Variants in HHLA2 observed in about 807,000 individuals in gnomAD.
HHLA2 encodes HHLA2 member of B7 family, also known as HERV-H LTR-associating protein 2.
In HHLA2, 48 loss-of-function variants were observed where a neutral mutation model predicts 45.9. The ratio of observed to expected loss-of-function variants is 1.05; its 90% CI spans 0.83 to 1.33. HHLA2 has a LOEUF of 1.33. Among genes scored for constraint, HHLA2 ranks in the 40% most tolerant of loss-of-function variants. The pLI is 0.00. For missense variants in HHLA2, 462 were observed against 494.3 expected (o/e 0.93, Z 0.62); for synonymous variants, 161 against 173.9 (o/e 0.93, Z 0.59).
In HHLA2 at chr3:108,303,956, A is replaced by C. The variant is rs555030128; in HGVS notation, c.-191-6699A>C. 1.3e-4 allele frequency among the ~76,000 whole-genome samples: 20 copies of C among 152,238 alleles called. No homozygotes were observed. In the East Asian group the frequency reaches 3.3e-3, roughly 25 times the overall value. ...TAGGCTGAGTTATTGGCAGGGGTGG[A>C]AATAAACTTTTTGTTAGATAATTGA... On this transcript the variant is annotated intron_variant, in intron 1 of 10. Transcript: ENST00000619531.
intron 2 of HHLA2, among the ~76,000 whole-genome samples, chr3:108,317,819 C>T (rs186484523): frequency 0.01 from 1,533 of 152,088 alleles, 19 homozygotes; most frequent in African/African-American, 0.035. Flanking sequence ...GTGATCCGCC[C>T]GCCTCAGCCT....
chr3:108,301,347 G>A (rs1157279628), intron 1 of HHLA2, among the ~76,000 whole-genome samples: 1 of 152,050 alleles, frequency 6.6e-6, no homozygotes, highest in Non-Finnish European at 1.5e-5. Context: ...TTCCAGAGAC[G>A]TGACTGCAGA....
At chr3:108,317,599 G>C (rs1214212639) in intron 2 of HHLA2, among the ~76,000 whole-genome samples, 3 of 149,724 alleles carry the variant, frequency 2.0e-5, no homozygotes, top group African/African-American at 7.4e-5. Context: ...TTTTGAGATG[G>C]AGTCTCACTC....
chr3:108,304,576 C>T (rs1316932018), intron 1 of HHLA2, among the ~76,000 whole-genome samples: 1 of 152,100 alleles, frequency 6.6e-6, no homozygotes, highest in East Asian at 1.9e-4. Flanking sequence ...CAAATAAGCT[C>T]CCATTCTGAG....
chr3:108,351,203 C>G (rs1033814989), intron 3 of HHLA2, among the ~76,000 whole-genome samples: 1 of 152,002 alleles, frequency 6.6e-6, no homozygotes, highest in African/African-American at 2.4e-5. Context: ...GCTTTGTAAC[C>G]CATGAATTTA....
At chr3:108,353,370 T>C (rs2081815942) in intron 4 of HHLA2, 57 bp from the exon 4 acceptor site, 6 of 1,148,894 alleles carry the variant, frequency 5.2e-6, no homozygotes, top group Non-Finnish European at 7.4e-6. Context: ...TCTGGTATAA[T>C]CCTGAACAAG....
At chr3:108,340,908 T>TTTTCCTTCC (rs1306101839) in intron 3 of HHLA2, among the ~76,000 whole-genome samples, 1,829 of 59,330 alleles carry the variant, frequency 0.031, 35 homozygotes, top group East Asian at 0.073. Flanking sequence ...TTTTTTTTTT[T>TTTTCCTTCC]TTCCTTCCTT....
chr3:108,303,770 CA>C (rs2080885195), intron 1 of HHLA2, among the ~76,000 whole-genome samples: 1 of 152,024 alleles, frequency 6.6e-6, no homozygotes, highest in Admixed American at 6.6e-5. Flanking sequence ...AGTTAGTGGC[CA>C]GGTAATTAAA....
At chr3:108,373,787 C>T (rs1319143522) in intron 8 of HHLA2, among the ~76,000 whole-genome samples, 18 of 151,926 alleles carry the variant, frequency 1.2e-4, no homozygotes, top group African/African-American at 4.3e-4. Flanking sequence ...TGAAGGACCT[C>T]TTCAAGGAGA....
chr3:108,302,601 T>C (rs957156579), intron 1 of HHLA2: 5 of 152,232 alleles, frequency 3.3e-5, no homozygotes, highest in African/African-American at 1.2e-4. Flanking sequence ...GAACACTTCC[T>C]TGGTATTTCC....
chr3:108,311,013 C>T (rs1388741349), intron 2 of HHLA2, among the ~76,000 whole-genome samples: 1 of 152,146 alleles, frequency 6.6e-6, no homozygotes, highest in Non-Finnish European at 1.5e-5. Context: ...AGAACATTTA[C>T]AGAAATCTGT....
chr3:108,335,404 C>T (rs532306543), intron 3 of HHLA2, among the ~76,000 whole-genome samples: 1 of 152,316 alleles, frequency 6.6e-6, no homozygotes, highest in South Asian at 2.1e-4. Flanking sequence ...ACAACTACCA[C>T]TGACTATAAG....
chr3:108,317,039 T>C (rs1448459187), intron 2 of HHLA2, among the ~76,000 whole-genome samples: 1 of 152,192 alleles, frequency 6.6e-6, no homozygotes, highest in African/African-American at 2.4e-5. Context: ...GTTATCCAGA[T>C]TGAACAGTGT....
intron 5 of HHLA2, 36 bp downstream of exon 4, chr3:108,353,816 G>T: frequency 1.4e-6 from 2 of 1,467,104 alleles, no homozygotes; most frequent in South Asian, 2.5e-5. Context: ...AAACAGCAAT[G>T]ACATCATTCC....
intron 3 of HHLA2, among the ~76,000 whole-genome samples, chr3:108,332,214 T>A (rs2081397224): frequency 6.6e-6 from 1 of 152,082 alleles, no homozygotes; most frequent in African/African-American, 2.4e-5. Flanking sequence ...ATTTCCAGAC[T>A]CAGAAAAATG....
At chr3:108,357,716 C>G (rs35330061) in intron 6 of HHLA2, 128 bp from the exon 6 acceptor site, 44,946 of 755,786 alleles carry the variant, frequency 0.059, 1,741 homozygotes, top group African/African-American at 0.14. Context: ...AATATAATTA[C>G]TTTCCAAAAA....
In HHLA2 at chr3:108,358,212, T is replaced by C. The variant is rs187603374; in HGVS notation, c.1003+51T>C. On this transcript the variant is annotated intron_variant, in intron 7 of 10. Coordinates refer to ENST00000619531, the Ensembl canonical transcript of HHLA2. ...TGGGTTTTGGCTGTAGCATTAGAGG[T>C]TTGTGAATATCAAAGAGAAAATTAG... is the stretch of plus-strand genomic sequence containing the variant. 13 of 1,309,194 alleles carry C rather than the reference T, an allele frequency of 9.9e-6. No individual in the cohort carries two copies. In the African/African-American group the frequency reaches 1.6e-4, roughly 16 times the overall value. The allele number at this position is 1,309,194 out of a possible 1,614,324, so 81.1% of individuals were successfully genotyped here.
chr3:108,365,944 C>T (rs2082056331), intron 8 of HHLA2, among the ~76,000 whole-genome samples: 1 of 152,214 alleles, frequency 6.6e-6, no homozygotes, highest in Non-Finnish European at 1.5e-5. Context: ...GACAATTTGA[C>T]TTCCTCCGTT....
intron 3 of HHLA2, among the ~76,000 whole-genome samples, chr3:108,336,688 C>T (rs1300478666): frequency 6.6e-6 from 1 of 151,928 alleles, no homozygotes; most frequent in Non-Finnish European, 1.5e-5. Context: ...TCTGTGGATC[C>T]TTACTTTTCC....
Sources: gnomAD v4.1 joint callset for allele counts (sites outside exome capture counted in the v4.1 genomes callset) on GRCh38, gnomAD v4.1.1 for gene constraint, MANE v1.5 for transcripts, NCBI Gene and HGNC (gene_info 2026-07-23, HGNC 2026-07-21) for gene names.